The following ADD2 variants were observed in gnomAD, a reference collection of about 807,000 sequenced individuals.
The protein encoded by ADD2 is adducin 2.
In ADD2, 23 loss-of-function variants were observed where a neutral mutation model predicts 83.0. The observed-to-expected ratio is 0.28, with a 90% CI of 0.20 to 0.39. ADD2 has a LOEUF of 0.39. Ranked by LOEUF, ADD2 falls within the 10% of genes least tolerant of loss-of-function variation. ADD2 has a pLI of 1.00. For synonymous variants in ADD2, 375 were observed against 375.4 expected (o/e 1.00, Z 0.01); for missense variants, 758 against 944.9 (o/e 0.80, Z 2.59).
chr2:70,683,495 G>C, intron 10 of ADD2, 96 bp downstream of exon 10: 1 of 1,317,154 alleles, frequency 7.6e-7, no homozygotes, highest in Non-Finnish European at 1.0e-6. Context: ...TTGTGATGCT[G>C]GCAATTCTTG....
intron 9 of ADD2, among the ~76,000 whole-genome samples, chr2:70,685,806 T>G (rs1433939779): frequency 6.6e-6 from 1 of 152,206 alleles, no homozygotes; most frequent in Non-Finnish European, 1.5e-5. Context: ...TTGCAAGAGC[T>G]GCCTCCTCCC....
At chr2:70,728,734 C>G (rs1476819113) in intron 1 of ADD2, among the ~76,000 whole-genome samples, 1 of 152,206 alleles carries the variant, frequency 6.6e-6, no homozygotes, top group Non-Finnish European at 1.5e-5. Flanking sequence ...TTGGGTCTGG[C>G]CTCATCTGTC....
intron 2 of ADD2, among the ~76,000 whole-genome samples, chr2:70,707,360 G>A (rs961576009): frequency 3.3e-5 from 5 of 152,266 alleles, no homozygotes; most frequent in Admixed American, 6.5e-5. Context: ...CACGTGCTGC[G>A]TGTAAACCTG....
intron 2 of ADD2, among the ~76,000 whole-genome samples, chr2:70,711,579 G>GAT (rs1167626214): frequency 6.6e-6 from 1 of 152,118 alleles, no homozygotes; most frequent in African/African-American, 2.4e-5. Context: ...AATGCCCCTT[G>GAT]ATTTTTAAAA....
chr2:70,748,057 G>GTT (rs1294264558), intron 1 of ADD2, among the ~76,000 whole-genome samples: 1 of 151,944 alleles, frequency 6.6e-6, no homozygotes, highest in African/African-American at 2.4e-5. Context: ...AAAAACAAGT[G>GTT]TTTTTTTAAT....
At chr2:70,714,189 G>T (rs1672344777) in intron 1 of ADD2, among the ~76,000 whole-genome samples, 2 of 152,166 alleles carry the variant, frequency 1.3e-5, no homozygotes, top group African/African-American at 4.8e-5. Context: ...GTAATGACAA[G>T]TGATCATTTT....
intron 1 of ADD2, among the ~76,000 whole-genome samples, chr2:70,763,144 G>A (rs1399800346): frequency 6.6e-6 from 1 of 151,994 alleles, no homozygotes; most frequent in African/African-American, 2.4e-5. Flanking sequence ...ACTCCACAGA[G>A]GATACACTTT....
chr2:70,737,093 G>C (rs1673610477), intron 1 of ADD2, among the ~76,000 whole-genome samples: 1 of 152,188 alleles, frequency 6.6e-6, no homozygotes, highest in Non-Finnish European at 1.5e-5. Context: ...TGGTGAGGAT[G>C]TGGAGAAATA....
intron 1 of ADD2, among the ~76,000 whole-genome samples, chr2:70,714,726 T>C (rs1553376070): frequency 6.6e-6 from 1 of 152,076 alleles, no homozygotes; most frequent in South Asian, 2.1e-4. Flanking sequence ...CAGGGTGGGG[T>C]TTGCTGATGT....
At chr2:70,695,668 G>T in intron 6 of ADD2, 53 bp downstream of exon 6, 1 of 1,531,476 alleles carries the variant, frequency 6.5e-7, no homozygotes, top group Non-Finnish European at 9.0e-7. Context: ...TGGGAACAGA[G>T]AGAGTGCTGT....
At chr2:70,718,994 G>A (rs782086892) in intron 1 of ADD2, among the ~76,000 whole-genome samples, 3 of 152,184 alleles carry the variant, frequency 2.0e-5, no homozygotes, top group Non-Finnish European at 4.4e-5. Context: ...TCTGGCATGC[G>A]GGGCTCAGAA....
intron 2 of ADD2, among the ~76,000 whole-genome samples, chr2:70,710,756 C>T (rs1351061133): frequency 4.6e-5 from 7 of 152,218 alleles, no homozygotes; most frequent in African/African-American, 1.7e-4. Flanking sequence ...TCCGTTTCCC[C>T]ACATATAAAA....
chr2:70,714,495 G>A (rs1464460294), intron 1 of ADD2, among the ~76,000 whole-genome samples: 1 of 152,202 alleles, frequency 6.6e-6, no homozygotes, highest in East Asian at 1.9e-4. Context: ...CCAGCCAGGG[G>A]GCCTGGGGCT....
At position 70,673,002 on chromosome 2, in the gene ADD2, C is replaced by A; in HGVS notation, c.1746G>T (p.Glu582Asp). 6.2e-7 allele frequency: 1 copy of A among 1,612,034 alleles called. No individual in the cohort carries two copies. The highest frequency in any genetic ancestry group is 1.7e-5 in the Admixed American group (1 of 59,508). ...VERKKLELDG[E>D]KETAPEEPGS... ...CAGGCTCTTCTGGGGCAGTTTCTTT[C>A]TCTCCTGAAAAAACAGAAAAACACC... The change falls in exon 15 of 16, where the codon GAG (glutamate) becomes GAT (aspartate). Residue 582 changes from glutamate to aspartate, a missense_variant. Glu to Asp is a conservative substitution (Grantham distance 45). Around this residue, in one of 5 missense-constraint regions of ADD2, gnomAD observed 165 missense variants for 176.2 expected, o/e 0.94. Coordinates refer to ENST00000264436, the MANE Select transcript of ADD2 (RefSeq NM_001617.4).
At chr2:70,765,129 G>A (rs1327591208) in intron 1 of ADD2, among the ~76,000 whole-genome samples, 1 of 152,070 alleles carries the variant, frequency 6.6e-6, no homozygotes, top group Non-Finnish European at 1.5e-5. Context: ...GAGGCAGGTG[G>A]ATCGCTTGAG....
In ADD2 at chr2:70,660,082, C is replaced by A. The variant is rs1356094842; in HGVS notation, c.*3343G>T. On this transcript the variant is annotated 3_prime_UTR_variant, in exon 16 of 16. Transcript: ENST00000264436. The stretch of plus-strand genomic sequence containing the variant: ...TTTATCCACAGCCAAAGAAAATGGC[C>A]TTTCCTTTCTAATAGCCTGTAGATT... 1 of 152,182 alleles carries A rather than the reference C, an allele frequency of 6.6e-6. No homozygotes were observed. The highest frequency in any genetic ancestry group is 2.4e-5 in the African/African-American group (1 of 41,438). The allele number at this position is 152,182 out of a possible 1,614,324, so 9.4% of individuals were successfully genotyped here.
intron 15 of ADD2, among the ~76,000 whole-genome samples, chr2:70,668,479 T>C (rs1226444123): frequency 6.6e-6 from 1 of 152,202 alleles, no homozygotes; most frequent in Non-Finnish European, 1.5e-5. Context: ...CTTGCATGTG[T>C]CATTTATCTT....
chr2:70,734,727 A>G (rs1318323269), intron 1 of ADD2, among the ~76,000 whole-genome samples: 1 of 152,242 alleles, frequency 6.6e-6, no homozygotes, highest in African/African-American at 2.4e-5. Flanking sequence ...CATTCAGGAC[A>G]GTCTTATCCA....
At chr2:70,753,987 G>C (rs781976956) in intron 1 of ADD2, among the ~76,000 whole-genome samples, 25 of 152,174 alleles carry the variant, frequency 1.6e-4, no homozygotes, top group Admixed American at 5.2e-4. Flanking sequence ...CGTCATCACA[G>C]AGCCACAGCA....
Sources: allele counts gnomAD v4.1 joint callset (sites outside exome capture counted in the v4.1 genomes callset), GRCh38; gene constraint gnomAD v4.1.1; regional missense constraint gnomAD v4.1.1; transcripts MANE v1.5; gene names NCBI Gene and HGNC (gene_info 2026-07-23, HGNC 2026-07-21).